Variants in FRAS1 observed in about 807,000 individuals in gnomAD.
FRAS1 encodes extracellular matrix organizing protein FRAS1.
In FRAS1, 290 loss-of-function variants were observed where a neutral mutation model predicts 435.2. The observed-to-expected ratio is 0.67, with a 90% confidence interval of 0.61 to 0.73. FRAS1 has a LOEUF of 0.73. Ranked by LOEUF, FRAS1 falls within the 30% of genes least tolerant of loss-of-function variation. FRAS1 has a pLI of 0.00. For synonymous variants in FRAS1, 1,800 were observed against 1,851.0 expected (o/e 0.97, Z 0.71); for missense variants, 4,860 against 5,001.5 (o/e 0.97, Z 0.85).
intron 50 of FRAS1, 66 bp from the exon 51 acceptor site, chr4:78,469,912 G>GC: frequency 8.8e-7 from 1 of 1,134,080 alleles, no homozygotes; most frequent in Non-Finnish European, 1.3e-6. Context: ...AGCTGTGTAG[G>GC]CCCTGGACCT....
chr4:78,081,219 C>T (rs904076548), intron 2 of FRAS1, among the ~76,000 whole-genome samples: 10 of 152,088 alleles, frequency 6.6e-5, no homozygotes, highest in African/African-American at 1.9e-4. Context: ...ATATTGGCCT[C>T]GTGGAAATCT....
At chr4:78,324,405 T>C (rs1480674118) in intron 18 of FRAS1, among the ~76,000 whole-genome samples, 1 of 152,226 alleles carries the variant, frequency 6.6e-6, no homozygotes, top group Non-Finnish European at 1.5e-5. Context: ...CCCTTTCATT[T>C]TGAGATTACT....
intron 2 of FRAS1, among the ~76,000 whole-genome samples, chr4:78,076,901 G>A (rs934248307): frequency 2.0e-5 from 3 of 152,116 alleles, no homozygotes; most frequent in Non-Finnish European, 2.9e-5. Flanking sequence ...TTATGATTAG[G>A]ATGAAAAATT....
At chr4:78,469,676 A>C (rs1010140723) in intron 50 of FRAS1, among the ~76,000 whole-genome samples, 2 of 152,136 alleles carry the variant, frequency 1.3e-5, no homozygotes, top group South Asian at 4.2e-4. Context: ...TCAACTAAAG[A>C]AGACATAGGT....
intron 17 of FRAS1, 83 bp downstream of exon 17, chr4:78,317,591 G>T: frequency 7.7e-7 from 1 of 1,303,170 alleles, no homozygotes; most frequent in Non-Finnish European, 1.0e-6. Context: ...TAACTTTCCA[G>T]TGTAACTTTT....
In FRAS1 at chr4:78,273,496, C is replaced by T. The variant is rs576946555; in HGVS notation, c.982-5159C>T. 4.7e-4 allele frequency among the ~76,000 whole-genome samples: 71 copies of T among 152,268 alleles called. 1 individual carries two copies. Among genetic ancestry groups the T allele is most frequent in the Middle Eastern group, 6.8e-3 (2 of 294 alleles). On this transcript the variant is annotated intron_variant, in intron 9 of 73. Coordinates refer to ENST00000512123, the MANE Select transcript of FRAS1 (RefSeq NM_025074.7). ...ATTCTCAGATACATACCATCAATAC[C>T]TAATTTATTGAGAATTTTTAGCATG...
chr4:78,464,141 G>T lies in FRAS1; in HGVS notation c.6884G>T (p.Ser2295Ile). 6.2e-7 allele frequency: 1 copy of T among 1,607,410 alleles called. No homozygotes were observed. Among genetic ancestry groups the T allele is most frequent in the African/African-American group, 1.3e-5 (1 of 74,766 alleles). The part of the protein sequence containing the change: ...AFSFTLSDGV[S>I]EVTQTFHITL... ...AGCTTTACACTGTCTGATGGAGTCAGTGAGGTAGGTGAGGCACTGAACTCC... is the reference window on the plus strand; with the variant it reads ...AGCTTTACACTGTCTGATGGAGTCATTGAGGTAGGTGAGGCACTGAACTCC... The change falls in exon 48 of 74, where the codon AGT becomes ATT. Residue 2295 changes from serine (S) to isoleucine (I), a missense_variant. By Grantham distance (142) the Ser-to-Ile change is moderately radical. Coordinates refer to ENST00000512123, the MANE Select transcript of FRAS1 (RefSeq NM_025074.7).
chr4:78,328,262 A>G (rs1729796873), intron 18 of FRAS1, among the ~76,000 whole-genome samples: 1 of 152,234 alleles, frequency 6.6e-6, no homozygotes, highest in South Asian at 2.1e-4. Context: ...CTCATAATGC[A>G]CTAATTAATC....
intron 64 of FRAS1, among the ~76,000 whole-genome samples, chr4:78,512,440 C>T (rs1721069470): frequency 6.6e-6 from 1 of 152,140 alleles, no homozygotes; most frequent in East Asian, 1.9e-4. Flanking sequence ...AAATGTGACT[C>T]TTTGCTCAGA....
chr4:78,458,121 C>T (rs1719261467), intron 47 of FRAS1, among the ~76,000 whole-genome samples: 1 of 152,192 alleles, frequency 6.6e-6, no homozygotes, highest in African/African-American at 2.4e-5. Context: ...AATCAGACAA[C>T]CCTAGAGTCC....
At chr4:78,451,737 T>A in intron 45 of FRAS1, 35 bp from the exon 46 acceptor site, 1 of 1,543,802 alleles carries the variant, frequency 6.5e-7, no homozygotes, top group Admixed American at 2.0e-5. Context: ...CAGAAAGCAC[T>A]AATAGCAAAT....
intron 54 of FRAS1, among the ~76,000 whole-genome samples, chr4:78,476,106 G>A (rs532851935): frequency 1.3e-5 from 2 of 152,350 alleles, no homozygotes; most frequent in South Asian, 4.1e-4. Context: ...TGATTAGACA[G>A]TGGGGCCATT....
At chr4:78,137,711 GGT>G (rs141228895) in intron 2 of FRAS1, among the ~76,000 whole-genome samples, 1 of 151,830 alleles carries the variant, frequency 6.6e-6, no homozygotes, top group Non-Finnish European at 1.5e-5. Context: ...TCTGAATTTG[GGT>G]GTGTGTGTGT....
intron 2 of FRAS1, among the ~76,000 whole-genome samples, chr4:78,225,279 T>A (rs1724221693): frequency 6.6e-6 from 1 of 152,190 alleles, no homozygotes; most frequent in Non-Finnish European, 1.5e-5. Flanking sequence ...TTACCTTGCT[T>A]ATGGTTCTGG....
intron 61 of FRAS1, among the ~76,000 whole-genome samples, chr4:78,500,879 A>G (rs13107007): frequency 0.33 from 49,829 of 151,780 alleles, 8,863 homozygotes; most frequent in South Asian, 0.52. Context: ...AAGGAACTTA[A>G]CCCGGATGTC....
chr4:78,100,153 A>C (rs1223313992), intron 2 of FRAS1, among the ~76,000 whole-genome samples: 1 of 152,260 alleles, frequency 6.6e-6, no homozygotes, highest in Non-Finnish European at 1.5e-5. Context: ...CTGCAGGCTC[A>C]GCAAATACAG....
Position 78,509,713 on chromosome 4 carries a change from G to A in FRAS1, c.9780+707G>A, listed in dbSNP as rs1334870982. ...TATGTTTTCCCAACCTTAACAAACA[G>A]CCCACCACAGTGATCCTGCACATCA... On this transcript the variant is annotated intron_variant, in intron 63 of 73. Transcript: ENST00000512123. Among the ~76,000 whole-genome samples, 6 of 152,278 alleles carry A rather than the reference G, an allele frequency of 3.9e-5. No individual in the cohort carries two copies. In the East Asian group the frequency reaches 1.2e-3, roughly 29 times the overall value.
rs368091830 is a variant in FRAS1, at chr4:78,499,722, C to G, written c.9117C>G (p.Ala3039=). 6.2e-7 allele frequency: 1 copy of G among 1,613,268 alleles called. No homozygotes were observed. The highest frequency in any genetic ancestry group is 8.5e-7 in the Non-Finnish European group (1 of 1,179,524). The change falls in exon 61 of 74, where the codon GCC becomes GCG. Residue 3039 remains alanine, a splice_region_variant and synonymous_variant. Transcript: ENST00000512123. ...ATITISNDED[A]PTIEFEEAAY... Reference sequence around the variant, plus strand: ...GTTTTCCTAACCATATTTCCTTAGCCCCCACCATTGAGTTTGAAGAAGCTG... The same window carrying G: ...GTTTTCCTAACCATATTTCCTTAGCGCCCACCATTGAGTTTGAAGAAGCTG...
Position 78,337,801 on chromosome 4 carries a change from C to G in FRAS1, c.2406C>G (p.Leu802=). The change falls in exon 20 of 74, where the codon CTC becomes CTG. Residue 802 remains leucine, a synonymous_variant. Coordinates refer to ENST00000512123, the MANE Select transcript of FRAS1 (RefSeq NM_025074.7). ...GCAGGGAAGAGCAGTTCCTCAACCT[C>G]GTGGGATACTGTGCTGGTGAGTGAA... ...TSCREEQFLN[L]VGYCADCHHL... is the part of the protein sequence containing the mutation. 1 of 1,613,892 alleles carries G rather than the reference C, an allele frequency of 6.2e-7. No homozygotes were observed. Among genetic ancestry groups the G allele is most frequent in the Non-Finnish European group, 8.5e-7 (1 of 1,179,844 alleles).
Sources: gnomAD v4.1 joint callset for allele counts (sites outside exome capture counted in the v4.1 genomes callset) on GRCh38, gnomAD v4.1.1 for gene constraint, MANE v1.5 for transcripts, NCBI Gene and HGNC (gene_info 2026-07-23, HGNC 2026-07-21) for gene names.